The following C8orf34 variants were observed in gnomAD, a reference collection of about 807,000 sequenced individuals.
The protein encoded by C8orf34 is chromosome 8 open reading frame 34, also known as uncharacterized protein C8orf34.
A neutral mutation model predicts 68.3 loss-of-function variants in C8orf34; 65 were observed. The observed-to-expected ratio is 0.95, with a 90% confidence interval of 0.78 to 1.17. C8orf34 has a LOEUF of 1.17. Ranked by LOEUF, C8orf34 falls within the 50% of genes most tolerant of loss-of-function variation. The pLI, the probability that C8orf34 is intolerant of heterozygous loss-of-function variation, is 0.00. For synonymous variants in C8orf34, 244 were observed against 241.2 expected (o/e 1.01, Z -0.11); for missense variants, 664 against 655.4 (o/e 1.01, Z -0.14).
intron 5 of C8orf34, 129 bp from the exon 6 acceptor site, chr8:68,521,670 T>C: frequency 1.3e-6 from 1 of 741,082 alleles, no homozygotes; most frequent in Non-Finnish European, 2.1e-6. Context: ...TGGAGGAAAC[T>C]GAAGTTTTGT....
chr8:68,468,560 G>T, intron 3 of C8orf34, 132 bp from the exon 4 acceptor site: 1 of 825,082 alleles, frequency 1.2e-6, no homozygotes, highest in Non-Finnish European at 1.7e-6. Context: ...TTTCTCACAA[G>T]CAAACCATCT....
chr8:68,487,419 G>A (rs1563479574), intron 4 of C8orf34, among the ~76,000 whole-genome samples: 1 of 152,180 alleles, frequency 6.6e-6, no homozygotes, highest in African/African-American at 2.4e-5. Context: ...TTGGAGAAAG[G>A]ATAAAGATAG....
At chr8:68,671,345 A>AT (rs1820002096) in intron 8 of C8orf34, among the ~76,000 whole-genome samples, 1 of 152,204 alleles carries the variant, frequency 6.6e-6, no homozygotes, top group Admixed American at 6.5e-5. Flanking sequence ...CGATCATGTG[A>AT]TTTTAGTGCC....
chr8:68,779,017 A>G (rs1823598091), intron 11 of C8orf34, among the ~76,000 whole-genome samples: 3 of 151,898 alleles, frequency 2.0e-5, no homozygotes, highest in Admixed American at 2.0e-4. Context: ...TCTCTACAAA[A>G]AATCAAAAAA....
At position 68,446,477 on chromosome 8, in the gene C8orf34, T is replaced by C. The variant is rs970185396; in HGVS notation, c.607+17T>C. The C allele has an allele frequency of 6.2e-7, 1 of 1,605,424 alleles. No homozygotes were observed. Among genetic ancestry groups the C allele is most frequent in the African/African-American group, 1.3e-5 (1 of 74,434 alleles). On this transcript the variant is annotated intron_variant, in intron 3 of 13. Coordinates refer to ENST00000518698, the MANE Select transcript of C8orf34 (RefSeq NM_052958.4). ...CCAAATCATGTAAGGAAGTCTCTTA[T>C]TCAAATGCTATTCAAAGCATGTAAG...
chr8:68,415,340 T>A (rs913557988), intron 1 of C8orf34, among the ~76,000 whole-genome samples: 9 of 151,972 alleles, frequency 5.9e-5, no homozygotes, highest in African/African-American at 2.2e-4. Context: ...ATTAGCTGGG[T>A]GTGGCGGTAC....
At chr8:68,614,213 C>A (rs931023527) in intron 7 of C8orf34, among the ~76,000 whole-genome samples, 44 of 151,864 alleles carry the variant, frequency 2.9e-4, no homozygotes, top group African/African-American at 1.0e-3. Flanking sequence ...GAGTAGGTTG[C>A]GAAAATTTTC....
chr8:68,477,920 G>A (rs550613461), intron 4 of C8orf34, among the ~76,000 whole-genome samples: 20 of 152,210 alleles, frequency 1.3e-4, no homozygotes, highest in Admixed American at 3.3e-4. Flanking sequence ...ATGTCCTGAG[G>A]CTGCACAGAG....
chr8:68,774,858 G>A (rs1326534450), intron 10 of C8orf34, among the ~76,000 whole-genome samples: 4 of 149,934 alleles, frequency 2.7e-5, no homozygotes, highest in African/African-American at 9.9e-5. Context: ...CGTAATTCCG[G>A]CACTTTGGGA....
intron 1 of C8orf34, among the ~76,000 whole-genome samples, chr8:68,420,266 T>C (rs1476781205): frequency 6.6e-6 from 1 of 151,742 alleles, no homozygotes; most frequent in Non-Finnish European, 1.5e-5. Context: ...TGCCCTGCTC[T>C]TTGGACTGGG....
intron 10 of C8orf34, among the ~76,000 whole-genome samples, chr8:68,755,128 G>A (rs961857233): frequency 6.6e-6 from 1 of 151,904 alleles, no homozygotes; most frequent in Non-Finnish European, 1.5e-5. Flanking sequence ...TCTTCCTTTC[G>A]ACTTGCAGTA....
At chr8:68,740,447 A>T (rs1822248855) in intron 10 of C8orf34, among the ~76,000 whole-genome samples, 1 of 152,202 alleles carries the variant, frequency 6.6e-6, no homozygotes, top group Admixed American at 6.5e-5. Flanking sequence ...ACACTTTTCA[A>T]AAGAAGACCT....
At chr8:68,568,574 C>A (rs182103950) in intron 7 of C8orf34, among the ~76,000 whole-genome samples, 4 of 151,686 alleles carry the variant, frequency 2.6e-5, no homozygotes, top group Non-Finnish European at 4.4e-5. Flanking sequence ...AAAAAAAAAT[C>A]TGTGAAGTGC....
At chr8:68,508,292 T>C (rs1586283773) in intron 5 of C8orf34, among the ~76,000 whole-genome samples, 1 of 152,340 alleles carries the variant, frequency 6.6e-6, no homozygotes, top group East Asian at 1.9e-4. Context: ...TTCCAAGTTA[T>C]CATAGATGAC....
intron 8 of C8orf34, among the ~76,000 whole-genome samples, chr8:68,686,585 A>T (rs997691974): frequency 6.6e-6 from 1 of 152,116 alleles, no homozygotes; most frequent in Admixed American, 6.6e-5. Flanking sequence ...TCCTTTTATG[A>T]TCAAAAGCTC....
rs1563673997 is a variant in C8orf34 at position 68,794,499 on chromosome 8, ATATATATTT to A, written c.1549+6965_1549+6973del. Among the ~76,000 whole-genome samples, 32 of 81,842 alleles carry A rather than the reference ATATATATTT, an allele frequency of 3.9e-4. 3 individuals carry two copies. Among genetic ancestry groups the A allele is most frequent in the African/African-American group, 2.4e-3 (28 of 11,914 alleles). 53.7% of individuals were successfully genotyped at this position (81,842 alleles called of 152,430 possible). ...TAAATATAAATATATATATATATAT[ATATATATTT>A]TTTTTTTTTTTTTTTAGACAGGCTC... On this transcript the variant is annotated intron_variant, in intron 12 of 13. Transcript: ENST00000518698.
At chr8:68,417,947 G>A (rs947146344) in intron 1 of C8orf34, among the ~76,000 whole-genome samples, 4 of 151,232 alleles carry the variant, frequency 2.6e-5, no homozygotes, top group African/African-American at 9.8e-5. Flanking sequence ...TCTTCCATTT[G>A]TTTGTATCCT....
At chr8:68,685,673 T>C (rs1820493417) in intron 8 of C8orf34, among the ~76,000 whole-genome samples, 1 of 151,888 alleles carries the variant, frequency 6.6e-6, no homozygotes, top group African/African-American at 2.4e-5. Context: ...CTGGGTAACA[T>C]GGTGAAACCC....
At chr8:68,649,018 T>C (rs771998611) in intron 8 of C8orf34, among the ~76,000 whole-genome samples, 1 of 152,222 alleles carries the variant, frequency 6.6e-6, no homozygotes, top group Non-Finnish European at 1.5e-5. Flanking sequence ...ATTTTGTTTA[T>C]GATTTTTTTT....
Sources: gnomAD v4.1 joint callset for allele counts (sites outside exome capture counted in the v4.1 genomes callset) on GRCh38, gnomAD v4.1.1 for gene constraint, MANE v1.5 for transcripts, NCBI Gene and HGNC (gene_info 2026-07-23, HGNC 2026-07-21) for gene names.